Variants in MAST4 observed in about 807,000 individuals in gnomAD.
MAST4 encodes the protein microtubule associated serine/threonine kinase family member 4.
A neutral mutation model predicts 162.7 loss-of-function variants in MAST4; 89 were observed. The observed-to-expected ratio is 0.55, with a 90% CI of 0.46 to 0.65. The LOEUF (loss-of-function observed/expected upper bound fraction) is 0.65, where lower values mean the gene tolerates loss of function less well. Among genes scored for constraint, MAST4 ranks in the 30% least tolerant of loss-of-function variants. MAST4 has a pLI of 0.00. For missense variants in MAST4, 3,153 were observed against 3,374.0 expected (o/e 0.93, Z 1.62); for synonymous variants, 1,479 against 1,361.1 (o/e 1.09, Z -1.91).
rs1752418966 is a variant in MAST4 at position 66,740,403 on chromosome 5, T to C, written c.364-19306T>C. On this transcript the variant is annotated intron_variant, in intron 1 of 28. Coordinates refer to ENST00000403625, the MANE Select transcript of MAST4 (RefSeq NM_001164664.2). ...TGGAGACTCCTCAAGCAATTCCTCC[T>C]TGTGGAATGCACAGGTCCACATGGA... Among the ~76,000 whole-genome samples the C allele has an allele frequency of 2.0e-5, 3 of 152,240 alleles. No individual in the cohort carries two copies. In the South Asian group the frequency reaches 6.2e-4, roughly 31 times the overall value.
chr5:66,758,876 G>A (rs1039581226), intron 1 of MAST4, among the ~76,000 whole-genome samples: 1 of 152,170 alleles, frequency 6.6e-6, no homozygotes, highest in African/African-American at 2.4e-5. Flanking sequence ...CTGGAAGTAT[G>A]TAGGTGTATA....
At chr5:66,827,144 T>C (rs1430813595) in intron 3 of MAST4, among the ~76,000 whole-genome samples, 1 of 152,232 alleles carries the variant, frequency 6.6e-6, no homozygotes. Context: ...TTTTGTCCTT[T>C]GATTTAAACA....
chr5:66,929,366 A>C (rs77767092), intron 4 of MAST4, among the ~76,000 whole-genome samples: 6 of 152,168 alleles, frequency 3.9e-5, no homozygotes, highest in Admixed American at 1.3e-4. Flanking sequence ...CCACCATCTG[A>C]TTGGGTAGTG....
At chr5:66,669,919 A>T (rs1747501603) in intron 1 of MAST4, among the ~76,000 whole-genome samples, 1 of 152,218 alleles carries the variant, frequency 6.6e-6, no homozygotes, top group Non-Finnish European at 1.5e-5. Context: ...AAGTCTGAGG[A>T]TGAAGCTTAT....
intron 5 of MAST4, among the ~76,000 whole-genome samples, chr5:67,082,054 G>A (rs1179618188): frequency 1.3e-5 from 2 of 151,762 alleles, no homozygotes; most frequent in Non-Finnish European, 2.9e-5. Context: ...ACATGATATT[G>A]CTCCCCCACA....
chr5:66,751,287 C>G (rs917138196), intron 1 of MAST4, among the ~76,000 whole-genome samples: 3 of 152,176 alleles, frequency 2.0e-5, no homozygotes, highest in Non-Finnish European at 2.9e-5. Flanking sequence ...CGGAACAAAG[C>G]TGGATGGAGA....
At chr5:66,983,101 T>A (rs983261668) in intron 4 of MAST4, among the ~76,000 whole-genome samples, 1 of 152,200 alleles carries the variant, frequency 6.6e-6, no homozygotes, top group Admixed American at 6.5e-5. Context: ...GGTAGATACA[T>A]GGTTTCAAGT....
At chr5:66,979,409 C>T (rs1748514522) in intron 4 of MAST4, among the ~76,000 whole-genome samples, 1 of 152,098 alleles carries the variant, frequency 6.6e-6, no homozygotes, top group Admixed American at 6.5e-5. Flanking sequence ...TTTGGGGAAG[C>T]ATGTTCAGCT....
chr5:67,017,058 G>A (rs1753378654), intron 4 of MAST4, among the ~76,000 whole-genome samples: 2 of 152,182 alleles, frequency 1.3e-5, no homozygotes, highest in East Asian at 1.9e-4. Flanking sequence ...GAGATGACTC[G>A]ATGGCACTCA....
Position 66,760,218 on chromosome 5 carries a change from C to A in MAST4, c.517+356C>A, listed in dbSNP as rs562404097. Among the ~76,000 whole-genome samples the A allele has an allele frequency of 8.2e-5, 12 of 146,358 alleles. 1 individual carries two copies. In the East Asian group the frequency reaches 2.5e-3, roughly 30 times the overall value. ...GCAACCTCCGCCTCCCAGGTTCAAG[C>A]GATTCTCCTGCCTCAGCCTCCTGAG... On this transcript the variant is annotated intron_variant, in intron 2 of 28. Coordinates refer to ENST00000403625, the MANE Select transcript of MAST4 (RefSeq NM_001164664.2).
At chr5:66,789,185 CTATGTGTGTATG>C (rs951760420) in intron 3 of MAST4, among the ~76,000 whole-genome samples, 11 of 152,084 alleles carry the variant, frequency 7.2e-5, no homozygotes, top group Admixed American at 1.3e-4. Context: ...TTCTCTTTGT[CTATGTGTGTATG>C]TATGTGTGTA....
In MAST4 at chr5:66,596,873, T is replaced by TGGGCGCCC; in HGVS notation, c.228_235dup (p.Ala79GlyfsTer74). Reference sequence around the variant, plus strand: ...CCGCCGCCGCCGTTGGGAGGCACCCTGGGCGCCCGGGCGCCCGCCGCGTGG... The same window carrying TGGGCGCCC: ...CCGCCGCCGCCGTTGGGAGGCACCCTGGGCGCCCGGGCGCCCGGGCGCCCGCCGCGTGG... On this transcript the variant is annotated frameshift_variant, in exon 1 of 29. Coordinates refer to ENST00000403625, the MANE Select transcript of MAST4 (RefSeq NM_001164664.2). LOFTEE classifies it high-confidence loss of function. The TGGGCGCCC allele has an allele frequency of 9.6e-7, 1 of 1,045,180 alleles. No individual in the cohort carries two copies. The highest frequency in any genetic ancestry group is 1.2e-6 in the Non-Finnish European group (1 of 851,368). The allele number at this position is 1,045,180 out of a possible 1,614,324, so 64.7% of individuals were successfully genotyped here.
chr5:66,650,825 C>T (rs1004613952), intron 1 of MAST4, among the ~76,000 whole-genome samples: 1 of 152,200 alleles, frequency 6.6e-6, no homozygotes, highest in Non-Finnish European at 1.5e-5. Flanking sequence ...ACTGGGTTAA[C>T]CCAAATACAT....
chr5:67,043,012 T>A (rs765167045), intron 4 of MAST4, among the ~76,000 whole-genome samples: 1 of 152,210 alleles, frequency 6.6e-6, no homozygotes, highest in Non-Finnish European at 1.5e-5. Flanking sequence ...TAAATAGTCA[T>A]GCTGTTCATT....
chr5:66,674,747 G>A (rs1279364575), intron 1 of MAST4, among the ~76,000 whole-genome samples: 1 of 152,142 alleles, frequency 6.6e-6, no homozygotes. Flanking sequence ...AAGGGGTAGG[G>A]GTGGATTCTG....
intron 1 of MAST4, among the ~76,000 whole-genome samples, chr5:66,712,549 G>A (rs1197573588): frequency 1.3e-5 from 2 of 152,168 alleles, no homozygotes; most frequent in East Asian, 3.9e-4. Context: ...CACTGCTGAT[G>A]AACACATTAA....
At chr5:66,749,618 A>G (rs1753008848) in intron 1 of MAST4, among the ~76,000 whole-genome samples, 1 of 152,248 alleles carries the variant, frequency 6.6e-6, no homozygotes, top group Admixed American at 6.5e-5. Context: ...TGATATTAAT[A>G]GTCATAGCTG....
intron 2 of MAST4, among the ~76,000 whole-genome samples, chr5:66,777,912 C>A (rs1561323996): frequency 6.6e-6 from 1 of 152,280 alleles, no homozygotes; most frequent in South Asian, 2.1e-4. Flanking sequence ...TTTGCTGTTT[C>A]CTTCCATATA....
chr5:67,049,552 AG>A (rs1364981114), intron 4 of MAST4, among the ~76,000 whole-genome samples: 4 of 152,154 alleles, frequency 2.6e-5, no homozygotes, highest in Admixed American at 6.5e-5. Context: ...TGGACAGTAA[AG>A]CTTTGGTCTA....
Sources: gnomAD v4.1 joint callset for allele counts (sites outside exome capture counted in the v4.1 genomes callset) on GRCh38, gnomAD v4.1.1 for gene constraint, MANE v1.5 for transcripts, NCBI Gene and HGNC (gene_info 2026-07-23, HGNC 2026-07-21) for gene names.